The following MSRA variants were observed in gnomAD, a reference collection of about 807,000 sequenced individuals.
The protein encoded by MSRA is methionine sulfoxide reductase A.
Under a neutral mutation model 31.3 loss-of-function variants are expected in MSRA, and 54 were observed. That is an observed-to-expected ratio of 1.73 (90% CI 1.39 to 2.17). MSRA has a LOEUF of 2.17. Among genes scored for constraint, MSRA ranks in the 30% most tolerant of loss-of-function variants. The pLI, the probability that MSRA is intolerant of heterozygous loss-of-function variation, is 0.00. For missense variants in MSRA, 507 were observed against 300.9 expected (o/e 1.69, Z -5.07); for synonymous variants, 169 against 116.5 (o/e 1.45, Z -2.90).
chr8:10,066,863 T>A (rs942538272), intron 1 of MSRA, among the ~76,000 whole-genome samples: 1 of 151,132 alleles, frequency 6.6e-6, no homozygotes, highest in South Asian at 2.1e-4. Context: ...TATGTTCTTT[T>A]ATCTTAAATG....
At chr8:10,322,313 G>A (rs1250736766) in intron 5 of MSRA, among the ~76,000 whole-genome samples, 1 of 151,974 alleles carries the variant, frequency 6.6e-6, no homozygotes, top group South Asian at 2.1e-4. Context: ...GAGATGAGTT[G>A]GGCAGCTATT....
chr8:10,384,481 G>A (rs561473989), intron 5 of MSRA, among the ~76,000 whole-genome samples: 9 of 152,218 alleles, frequency 5.9e-5, no homozygotes, highest in South Asian at 2.1e-4. Flanking sequence ...GGTGGAGAAC[G>A]AGGACGATGT....
At chr8:10,311,278 A>G (rs1801417064) in intron 4 of MSRA, among the ~76,000 whole-genome samples, 1 of 152,252 alleles carries the variant, frequency 6.6e-6, no homozygotes, top group African/African-American at 2.4e-5. Context: ...ACTATGAGGA[A>G]TTAACCAGGT....
intron 1 of MSRA, among the ~76,000 whole-genome samples, chr8:10,197,018 T>C (rs190939321): frequency 7.9e-5 from 12 of 152,368 alleles, no homozygotes; most frequent in African/African-American, 2.6e-4. Flanking sequence ...TTCCTTTTGG[T>C]CTATAGCCAT....
At chr8:10,087,374 G>A (rs1318463679) in intron 1 of MSRA, among the ~76,000 whole-genome samples, 1 of 152,190 alleles carries the variant, frequency 6.6e-6, no homozygotes, top group African/African-American at 2.4e-5. Flanking sequence ...TCTGTCCTGA[G>A]CTCCATGATG....
chr8:10,360,353 GGTT>G (rs1445185807), intron 5 of MSRA, among the ~76,000 whole-genome samples: 1 of 152,236 alleles, frequency 6.6e-6, no homozygotes, highest in East Asian at 1.9e-4. Flanking sequence ...CATGCCTTGT[GGTT>G]GTTGGTGGTT....
At chr8:10,316,139 T>A (rs934459563) in intron 4 of MSRA, among the ~76,000 whole-genome samples, 2 of 152,168 alleles carry the variant, frequency 1.3e-5, no homozygotes, top group African/African-American at 2.4e-5. Context: ...AAGAACATTG[T>A]GCAGGTGATA....
chr8:10,125,849 C>T (rs951388621), intron 1 of MSRA, among the ~76,000 whole-genome samples: 2 of 152,294 alleles, frequency 1.3e-5, no homozygotes, highest in South Asian at 2.1e-4. Context: ...TGTTATTACT[C>T]ACAACAATGC....
intron 1 of MSRA, among the ~76,000 whole-genome samples, chr8:10,166,036 C>T (rs1328610837): frequency 1.3e-5 from 2 of 152,058 alleles, no homozygotes; most frequent in East Asian, 3.9e-4. Context: ...TACCCAAGAC[C>T]GTGTGGGCAC....
At chr8:10,381,548 T>G (rs1806070812) in intron 5 of MSRA, among the ~76,000 whole-genome samples, 1 of 151,934 alleles carries the variant, frequency 6.6e-6, no homozygotes, top group Non-Finnish European at 1.5e-5. Context: ...CACAATGGAG[T>G]CAAATCCATC....
chr8:10,332,049 C>T (rs1319228904), intron 5 of MSRA, among the ~76,000 whole-genome samples: 1 of 152,106 alleles, frequency 6.6e-6, no homozygotes, highest in Non-Finnish European at 1.5e-5. Context: ...AATTTCCAAC[C>T]ATAGTTACAA....
At chr8:10,110,044 C>A (rs898505880) in intron 1 of MSRA, among the ~76,000 whole-genome samples, 2 of 152,266 alleles carry the variant, frequency 1.3e-5, no homozygotes, top group African/African-American at 4.8e-5. Flanking sequence ...GTCCTTGGCT[C>A]TCGGATGGGA....
At chr8:10,181,717 G>C (rs563618388) in intron 1 of MSRA, among the ~76,000 whole-genome samples, 1 of 152,346 alleles carries the variant, frequency 6.6e-6, no homozygotes, top group South Asian at 2.1e-4. Flanking sequence ...GCTGGGTCAT[G>C]ATGGAGGTGG....
intron 3 of MSRA, among the ~76,000 whole-genome samples, chr8:10,297,357 C>T (rs1458811668): frequency 1.3e-5 from 2 of 152,132 alleles, no homozygotes; most frequent in African/African-American, 2.4e-5. Flanking sequence ...TGAACAGCAA[C>T]GTTAAAGCCC....
At chr8:10,222,986 G>A (rs1810664137) in intron 2 of MSRA, among the ~76,000 whole-genome samples, 1 of 152,194 alleles carries the variant, frequency 6.6e-6, no homozygotes, top group Non-Finnish European at 1.5e-5. Flanking sequence ...ACAGTGTTAA[G>A]TGTGTAAGGT....
chr8:10,381,981 G>A (rs1016036840), intron 5 of MSRA, among the ~76,000 whole-genome samples: 2 of 152,238 alleles, frequency 1.3e-5, no homozygotes, highest in African/African-American at 4.8e-5. Flanking sequence ...ATTGGAAGAA[G>A]TAATATGTGA....
intron 1 of MSRA, among the ~76,000 whole-genome samples, chr8:10,066,527 T>C (rs1185850569): frequency 6.6e-6 from 1 of 152,166 alleles, no homozygotes; most frequent in Non-Finnish European, 1.5e-5. Context: ...CCAGTTCAGC[T>C]GATATATCTG....
intron 5 of MSRA, among the ~76,000 whole-genome samples, chr8:10,378,231 T>C (rs1805862763): frequency 1.3e-5 from 2 of 152,262 alleles, no homozygotes; most frequent in East Asian, 1.9e-4. Context: ...AAGCTGACAT[T>C]AGAGTTAGAT....
chr8:10,354,209 A>C (rs558030599), intron 5 of MSRA, among the ~76,000 whole-genome samples: 1 of 152,248 alleles, frequency 6.6e-6, no homozygotes, highest in Non-Finnish European at 1.5e-5. Flanking sequence ...AGGAAAGCCC[A>C]CTGTCCAGTA....
Sources: gnomAD v4.1 joint callset for allele counts (sites outside exome capture counted in the v4.1 genomes callset) on GRCh38, gnomAD v4.1.1 for gene constraint, MANE v1.5 for transcripts, NCBI Gene and HGNC (gene_info 2026-07-23, HGNC 2026-07-21) for gene names.